RASGEF1C: variants seen among roughly 807,000 people sequenced by gnomAD.
RASGEF1C encodes RasGEF domain family member 1C, also known as ras-GEF domain-containing family member 1C.
RASGEF1C carries 27 observed loss-of-function variants against 58.1 expected under a neutral mutation model. That is an observed-to-expected ratio of 0.46 (90% CI 0.34 to 0.64). RASGEF1C has a LOEUF of 0.64. Among genes scored for constraint, RASGEF1C ranks in the 30% least tolerant of loss-of-function variants. The pLI, the probability that RASGEF1C is intolerant of heterozygous loss-of-function variation, is 0.01. For missense variants in RASGEF1C, 502 were observed against 605.1 expected (o/e 0.83, Z 1.79); for synonymous variants, 243 against 246.3 (o/e 0.99, Z 0.13).
chr5:180,193,613 A>C (rs182315951), intron 1 of RASGEF1C, among the ~76,000 whole-genome samples: 344 of 152,290 alleles, frequency 2.3e-3, no homozygotes, highest in African/African-American at 7.7e-3. Context: ...ACAAATAAAA[A>C]CCAACCAACC....
rs535543710 is a variant in RASGEF1C at position 180,193,899 on chromosome 5, C to G, written c.-7+15129G>C. Among the ~76,000 whole-genome samples, 320 of 152,276 alleles carry G rather than the reference C, an allele frequency of 2.1e-3. 3 individuals are homozygous for G. Among genetic ancestry groups the G allele is most frequent in the Non-Finnish European group, 3.8e-3 (257 of 68,018 alleles). On this transcript the variant is annotated intron_variant, in intron 1 of 13. Transcript: ENST00000361132. ...TGTGTCTCAGATTTGCTGTAAGCAC[C>G]TAATAGGGTTGGGGTGGCGATCAAG... is the stretch of plus-strand genomic sequence containing the variant.
At chr5:180,174,451 CGT>C (rs1160573254) in intron 1 of RASGEF1C, among the ~76,000 whole-genome samples, 1 of 148,756 alleles carries the variant, frequency 6.7e-6, no homozygotes, top group South Asian at 2.1e-4. Flanking sequence ...TGTGCATGTG[CGT>C]GTGTGCATGT....
At chr5:180,145,465 A>G (rs72813663) in intron 1 of RASGEF1C, among the ~76,000 whole-genome samples, 1,828 of 152,256 alleles carry the variant, frequency 0.012, 14 homozygotes, top group Non-Finnish European at 0.02. Context: ...AAGGGTTCCA[A>G]TTTCTCCACA....
chr5:180,190,986 TCTGAA>T (rs1756152788), intron 1 of RASGEF1C, among the ~76,000 whole-genome samples: 1 of 152,154 alleles, frequency 6.6e-6, no homozygotes, highest in Non-Finnish European at 1.5e-5. Context: ...GTGCAAAATA[TCTGAA>T]CTGACAGTTC....
At chr5:180,135,824 C>T (rs1680165337) in intron 4 of RASGEF1C, among the ~76,000 whole-genome samples, 1 of 152,254 alleles carries the variant, frequency 6.6e-6, no homozygotes, top group South Asian at 2.1e-4. Flanking sequence ...CCCTCCTCTG[C>T]CCCTACCCTG....
chr5:180,204,029 C>CAAG (rs1554116626), intron 1 of RASGEF1C, among the ~76,000 whole-genome samples: 1 of 151,614 alleles, frequency 6.6e-6, no homozygotes, highest in Non-Finnish European at 1.5e-5. Context: ...ACAACAACAA[C>CAAG]AAAGTGAAAT....
intron 1 of RASGEF1C, among the ~76,000 whole-genome samples, chr5:180,188,076 A>G (rs892470773): frequency 6.6e-6 from 1 of 152,228 alleles, no homozygotes; most frequent in East Asian, 1.9e-4. Flanking sequence ...GGGGGAAACA[A>G]CCCACATGTC....
intron 1 of RASGEF1C, among the ~76,000 whole-genome samples, chr5:180,149,101 T>C (rs199834477): frequency 2.1e-5 from 2 of 93,544 alleles, no homozygotes; most frequent in Non-Finnish European, 4.9e-5. Flanking sequence ...TTTTTTTTTT[T>C]TTTTTGAGAC....
intron 1 of RASGEF1C, 161 bp from the exon 2 acceptor site, chr5:180,138,219 A>G (rs1268065152): frequency 8.2e-6 from 4 of 486,230 alleles, no homozygotes; most frequent in Non-Finnish European, 1.4e-5. Flanking sequence ...GAGTATTGTC[A>G]GGGCCCCTTC....
rs528940635 is a variant in RASGEF1C, at chr5:180,198,487, G to C, written c.-7+10541C>G. 6.6e-6 allele frequency among the ~76,000 whole-genome samples: 1 copy of C among 152,172 alleles called. No homozygotes were observed. The highest frequency in any genetic ancestry group is 1.5e-5 in the Non-Finnish European group (1 of 68,022). On this transcript the variant is annotated intron_variant, in intron 1 of 13. Transcript: ENST00000361132. This position sits in a 1 kb window ranked among gnomAD's most constrained non-coding sequence, Gnocchi z 4.5. ...TGGATAATTTATAAGTAGTAGAAAT[G>C]TATGCCTCACAGTTCTAGAGGCAGA...
rs1379952120 is a variant in RASGEF1C, at chr5:180,156,561, C to A, written c.-6-18503G>T. Among the ~76,000 whole-genome samples, 2 of 152,114 alleles carry A rather than the reference C, an allele frequency of 1.3e-5. No individual in the cohort carries two copies. Among genetic ancestry groups the A allele is most frequent in the Non-Finnish European group, 1.5e-5 (1 of 68,022 alleles). On this transcript the variant is annotated intron_variant, in intron 1 of 13. Coordinates refer to ENST00000361132, the MANE Select transcript of RASGEF1C (RefSeq NM_175062.4). This position sits in a 1 kb window ranked among gnomAD's most constrained non-coding sequence, Gnocchi z 4.9. The stretch of plus-strand genomic sequence containing the variant: ...GAGCATGCAGAGTGCTTGAGTCCAG[C>A]AGTTCAAGACCAGCCTGGGCAACAT...
intron 12 of RASGEF1C, among the ~76,000 whole-genome samples, chr5:180,103,400 C>T (rs905715188): frequency 6.6e-6 from 1 of 152,204 alleles, no homozygotes; most frequent in Non-Finnish European, 1.5e-5. Context: ...TTTTAGCGTA[C>T]ACGTCCTGTG....
At chr5:180,111,050 C>T (rs960786395) in intron 12 of RASGEF1C, among the ~76,000 whole-genome samples, 2 of 152,240 alleles carry the variant, frequency 1.3e-5, no homozygotes, top group South Asian at 2.1e-4. Flanking sequence ...TCTTGATCTT[C>T]TGATCTGCCT....
chr5:180,125,355 A>T (rs1447154734), intron 6 of RASGEF1C, among the ~76,000 whole-genome samples: 1 of 152,250 alleles, frequency 6.6e-6, no homozygotes, highest in African/African-American at 2.4e-5. Flanking sequence ...AGACATCTCA[A>T]GAAATCCTGT....
rs1336577981 is a variant in RASGEF1C at position 180,143,729 on chromosome 5, A to C, written c.-6-5671T>G. On this transcript the variant is annotated intron_variant, in intron 1 of 13. Coordinates refer to ENST00000361132, the MANE Select transcript of RASGEF1C (RefSeq NM_175062.4). This position sits in a 1 kb window ranked among gnomAD's most constrained non-coding sequence, Gnocchi z 4.3. ...GGGGCCACACAGTGAGTTAAAGCAC[A>C]GTTAGAAATGACATCTGTAGTGCCA... is the stretch of plus-strand genomic sequence containing the variant. Among the ~76,000 whole-genome samples, 1 of 152,216 alleles carries C rather than the reference A, an allele frequency of 6.6e-6. No individual in the cohort carries two copies. Among genetic ancestry groups the C allele is most frequent in the Admixed American group, 6.5e-5 (1 of 15,284 alleles).
At chr5:180,117,425 A>C (rs1271915990) in intron 10 of RASGEF1C, among the ~76,000 whole-genome samples, 1 of 152,326 alleles carries the variant, frequency 6.6e-6, no homozygotes, top group East Asian at 1.9e-4. Context: ...ATTATCCTCA[A>C]GCTGGAGACA....
chr5:180,159,225 T>C (rs1211370210), intron 1 of RASGEF1C, among the ~76,000 whole-genome samples: 3 of 151,926 alleles, frequency 2.0e-5, no homozygotes, highest in African/African-American at 2.4e-5. Flanking sequence ...CTGCAACCTT[T>C]GCCTCCCAGG....
rs1169894947 is a variant in RASGEF1C, at chr5:180,137,469, G to C, written c.300+121C>G. On this transcript the variant is annotated intron_variant, in intron 3 of 13. Coordinates refer to ENST00000361132, the MANE Select transcript of RASGEF1C (RefSeq NM_175062.4). This position sits in a 1 kb window ranked among gnomAD's most constrained non-coding sequence, Gnocchi z 4.1. ...GGCCTCAGACAAGGTGGAAACACCC[G>C]GTAGCCACCTTGTCAGGAAAACGGG... 5.1e-6 allele frequency: 7 copies of C among 1,374,188 alleles called. No individual in the cohort carries two copies. Among genetic ancestry groups the C allele is most frequent in the Non-Finnish European group, 7.0e-6 (7 of 1,003,142 alleles). The allele number at this position is 1,374,188 out of a possible 1,614,324, so 85.1% of individuals were successfully genotyped here.
At chr5:180,119,281 G>GCA in intron 8 of RASGEF1C, 65 bp downstream of exon 8, 1 of 1,346,680 alleles carries the variant, frequency 7.4e-7, no homozygotes, top group Non-Finnish European at 1.1e-6. Context: ...CTGCCTGGCT[G>GCA]CACCCACTCC....
Sources: allele counts gnomAD v4.1 joint callset (sites outside exome capture counted in the v4.1 genomes callset), GRCh38; gene constraint gnomAD v4.1.1; non-coding constraint Gnocchi (gnomAD v3.1); transcripts MANE v1.5; gene names NCBI Gene and HGNC (gene_info 2026-07-23, HGNC 2026-07-21).